KCNK10: variants seen among roughly 807,000 people sequenced by gnomAD.
KCNK10 encodes potassium two pore domain channel subfamily K member 10.
Under a neutral mutation model 47.7 loss-of-function variants are expected in KCNK10, and 25 were observed. The ratio of observed to expected loss-of-function variants is 0.52; its 90% CI spans 0.38 to 0.73. The LOEUF (loss-of-function observed/expected upper bound fraction) is 0.73. KCNK10 is among the 30% of genes least tolerant of loss of function. KCNK10 has a pLI of 0.00. For synonymous variants in KCNK10, 303 were observed against 285.6 expected, an observed-to-expected ratio of 1.06 and a Z score of -0.61; for missense variants, 563 against 714.5, an observed-to-expected ratio of 0.79 and a Z score of 2.42.
intron 1 of KCNK10, among the ~76,000 whole-genome samples, chr14:88,316,194 C>T (rs530394744): frequency 2.6e-5 from 4 of 152,230 alleles, no homozygotes; most frequent in East Asian, 3.9e-4. Flanking sequence ...GCAATGCTCC[C>T]TCATGACCGT....
intron 1 of KCNK10, among the ~76,000 whole-genome samples, chr14:88,270,200 A>G (rs1887368990): frequency 6.6e-6 from 1 of 152,132 alleles, no homozygotes; most frequent in Non-Finnish European, 1.5e-5. Flanking sequence ...GTTACAGCTC[A>G]GCCTGCATAG....
At chr14:88,191,108 G>A (rs1464722718) in intron 5 of KCNK10, among the ~76,000 whole-genome samples, 1 of 151,994 alleles carries the variant, frequency 6.6e-6, no homozygotes, top group Non-Finnish European at 1.5e-5. Flanking sequence ...AAAATAGCCA[G>A]GCATGGTGGC....
chr14:88,237,264 G>C (rs1036056981), intron 3 of KCNK10, among the ~76,000 whole-genome samples: 9 of 152,190 alleles, frequency 5.9e-5, no homozygotes, highest in African/African-American at 2.2e-4. Context: ...CAGCATTTCA[G>C]TCACATCTTC....
chr14:88,254,692 G>C (rs905501803), intron 2 of KCNK10, among the ~76,000 whole-genome samples: 1 of 152,178 alleles, frequency 6.6e-6, no homozygotes, highest in African/African-American at 2.4e-5. Context: ...CTGGGAACAG[G>C]GAGATAAGCA....
chr14:88,229,163 C>T (rs991288647), intron 3 of KCNK10, among the ~76,000 whole-genome samples: 1 of 152,158 alleles, frequency 6.6e-6, no homozygotes, highest in Non-Finnish European at 1.5e-5. Flanking sequence ...AAATATATTG[C>T]AGACATAGGC....
chr14:88,303,669 G>C (rs568208688), intron 1 of KCNK10, among the ~76,000 whole-genome samples: 2 of 152,246 alleles, frequency 1.3e-5, no homozygotes, highest in Non-Finnish European at 2.9e-5. Flanking sequence ...GACGGCCTTA[G>C]GTAGGAAAAG....
intron 1 of KCNK10, among the ~76,000 whole-genome samples, chr14:88,265,443 A>C (rs879351809): frequency 7.2e-5 from 11 of 152,054 alleles, no homozygotes; most frequent in Non-Finnish European, 1.3e-4. Context: ...CAAGGGAAGG[A>C]TCCTCCCCTA....
intron 2 of KCNK10, among the ~76,000 whole-genome samples, chr14:88,243,229 A>T (rs749875604): frequency 3.3e-5 from 5 of 152,250 alleles, no homozygotes; most frequent in Non-Finnish European, 7.3e-5. Flanking sequence ...CGCCAGGTGC[A>T]CTAGAAGCGT....
intron 1 of KCNK10, among the ~76,000 whole-genome samples, chr14:88,300,333 A>G (rs554918872): frequency 2.6e-5 from 4 of 152,264 alleles, no homozygotes; most frequent in African/African-American, 9.6e-5. Flanking sequence ...CATCAATCAC[A>G]TTAACTGTCT....
At position 88,246,889 on chromosome 14, in the gene KCNK10, A is replaced by G. The variant is rs937734124; in HGVS notation, c.403-6069T>C. Among the ~76,000 whole-genome samples, 7 of 152,222 alleles carry G rather than the reference A, an allele frequency of 4.6e-5. No individual in the cohort carries two copies. In the East Asian group the frequency reaches 1.3e-3, roughly 29 times the overall value. ...TAAAAATGAACATAAGACTTCAGGC[A>G]CTGTGCCTTGTCATTTCTTATTCAG... On this transcript the variant is annotated intron_variant, in intron 2 of 6. Coordinates refer to ENST00000319231, the MANE Select transcript of KCNK10 (RefSeq NM_138317.3).
intron 3 of KCNK10, among the ~76,000 whole-genome samples, chr14:88,232,535 A>AG (rs1886185716): frequency 6.6e-6 from 1 of 152,232 alleles, no homozygotes; most frequent in Non-Finnish European, 1.5e-5. Context: ...CATTGTATTA[A>AG]GGGCTTCTTT....
At chr14:88,325,234 C>T (rs956090063), upstream of KCNK10, among the ~76,000 whole-genome samples, 1 of 152,206 alleles carries the variant, frequency 6.6e-6, no homozygotes, top group African/African-American at 2.4e-5. Flanking sequence ...CCTCTGCGCT[C>T]TTCTCTTTAA....
At chr14:88,297,801 T>C (rs1888016749) in intron 1 of KCNK10, among the ~76,000 whole-genome samples, 1 of 152,210 alleles carries the variant, frequency 6.6e-6, no homozygotes, top group African/African-American at 2.4e-5. Flanking sequence ...ATAGACATTA[T>C]ATAAAATAGA....
rs1470699000 is a variant in KCNK10, at chr14:88,243,155, C to G, written c.403-2335G>C. On this transcript the variant is annotated intron_variant, in intron 2 of 6. Coordinates refer to ENST00000319231, the MANE Select transcript of KCNK10 (RefSeq NM_138317.3). ...ATATTTAATGTTTACCTATGTAACC[C>G]TCAAGGAAAGTGTTTATCAGTTGAA... Among the ~76,000 whole-genome samples the G allele has an allele frequency of 2.0e-5, 3 of 152,154 alleles. No individual in the cohort carries two copies. In the South Asian group the frequency reaches 6.2e-4, roughly 32 times the overall value.
intron 2 of KCNK10, among the ~76,000 whole-genome samples, chr14:88,257,866 C>T (rs1886999702): frequency 1.3e-5 from 2 of 152,190 alleles, no homozygotes; most frequent in Admixed American, 1.3e-4. Flanking sequence ...CAGTGCTTCT[C>T]AACCTATGAG....
intron 1 of KCNK10, among the ~76,000 whole-genome samples, chr14:88,274,755 C>G (rs1887491652): frequency 6.6e-6 from 1 of 152,030 alleles, no homozygotes; most frequent in Non-Finnish European, 1.5e-5. Flanking sequence ...GGTGGGGCAT[C>G]TACAAACTTG....
chr14:88,324,991 T>A (rs535898252), upstream of KCNK10, among the ~76,000 whole-genome samples: 2 of 152,334 alleles, frequency 1.3e-5, no homozygotes, highest in East Asian at 3.9e-4. Context: ...ATGGTGCTAC[T>A]CTGACTCTTC....
At chr14:88,307,077 C>T (rs544789599) in intron 1 of KCNK10, among the ~76,000 whole-genome samples, 37 of 152,212 alleles carry the variant, frequency 2.4e-4, no homozygotes, top group Non-Finnish European at 4.0e-4. Flanking sequence ...AACCAGAGAC[C>T]AGTGAGTGGA....
chr14:88,199,357 G>T (rs1268242262), intron 4 of KCNK10, among the ~76,000 whole-genome samples: 1 of 152,182 alleles, frequency 6.6e-6, no homozygotes, highest in Non-Finnish European at 1.5e-5. Flanking sequence ...TGTTCACCCG[G>T]AAGGAAGACA....
Sources: allele counts gnomAD v4.1 joint callset (sites outside exome capture counted in the v4.1 genomes callset), GRCh38; gene constraint gnomAD v4.1.1; transcripts MANE v1.5; gene names NCBI Gene and HGNC (gene_info 2026-07-23, HGNC 2026-07-21).